The following COL15A1 variants were observed in gnomAD, a reference collection of about 807,000 sequenced individuals.
COL15A1 encodes the protein collagen type XV alpha 1 chain.
In COL15A1, 111 loss-of-function variants were observed where a neutral mutation model predicts 165.9. That is an observed-to-expected ratio of 0.67 (90% confidence interval 0.57 to 0.78). The LOEUF (loss-of-function observed/expected upper bound fraction) is 0.78, where lower values mean the gene tolerates loss of function less well. Ranked by LOEUF, COL15A1 falls within the 30% of genes least tolerant of loss-of-function variation. COL15A1 has a pLI of 0.00. For missense variants in COL15A1, 1,745 were observed against 1,789.7 expected, an observed-to-expected ratio of 0.98 and a Z score of 0.45; for synonymous variants, 659 against 674.8, an observed-to-expected ratio of 0.98 and a Z score of 0.36.
At chr9:99,063,988 A>G (rs555438186) in intron 39 of COL15A1, among the ~76,000 whole-genome samples, 1 of 152,266 alleles carries the variant, frequency 6.6e-6, no homozygotes, top group South Asian at 2.1e-4. Context: ...TTAAATCAGC[A>G]TAGAAACCTC....
chr9:98,992,855 G>A (rs1182399589), intron 5 of COL15A1, among the ~76,000 whole-genome samples: 2 of 152,182 alleles, frequency 1.3e-5, no homozygotes, highest in Non-Finnish European at 2.9e-5. Flanking sequence ...GGCACTGCAG[G>A]CACTGGGGCA....
chr9:99,027,582 C>G (rs1231275728), intron 16 of COL15A1, among the ~76,000 whole-genome samples: 2 of 149,108 alleles, frequency 1.3e-5, no homozygotes, highest in Non-Finnish European at 1.5e-5. Context: ...TACTCTGTCT[C>G]GAACTTAAAG....
At chr9:98,962,926 GCAGGTGCTCAATAAAT>G (rs1279907074) in intron 2 of COL15A1, among the ~76,000 whole-genome samples, 1 of 152,244 alleles carries the variant, frequency 6.6e-6, no homozygotes, top group Admixed American at 6.5e-5. Context: ...CTGCTGTACA[GCAGGTGCTCAATAAAT>G]GCTTCTGGAA....
chr9:99,034,058 G>T (rs548958335), intron 16 of COL15A1, among the ~76,000 whole-genome samples: 1 of 152,214 alleles, frequency 6.6e-6, no homozygotes, highest in East Asian at 1.9e-4. Context: ...CTGTCTTCTG[G>T]GGACTACTCC....
Position 99,022,482 on chromosome 9 carries a change from T to C in COL15A1, c.1761+332T>C, listed in dbSNP as rs543953889. Among the ~76,000 whole-genome samples the C allele has an allele frequency of 1.4e-3, 208 of 152,260 alleles. 1 individual carries two copies. The highest frequency in any genetic ancestry group is 4.6e-3 in the African/African-American group (192 of 41,556). On this transcript the variant is annotated intron_variant, in intron 13 of 41. Transcript: ENST00000375001. ...CTATGTGGTCACCAAGAGAGAAACA[T>C]CCTTGAGTGGTCCTCTGCCTTCCCC...
chr9:98,980,779 A>C (rs1838226366), intron 2 of COL15A1, among the ~76,000 whole-genome samples: 1 of 152,228 alleles, frequency 6.6e-6, no homozygotes, highest in African/African-American at 2.4e-5. Flanking sequence ...AATACAATGA[A>C]TATTTCTTTT....
chr9:99,015,957 A>C lies in COL15A1; in HGVS notation c.1504-19A>C, dbSNP rs1838927364. The C allele has an allele frequency of 1.2e-6, 2 of 1,611,164 alleles. No homozygotes were observed. Among genetic ancestry groups the C allele is most frequent in the Admixed American group, 3.4e-5 (2 of 59,520 alleles). On this transcript the variant is annotated intron_variant, in intron 10 of 41. Transcript: ENST00000375001. ...ATGAGCGAGGTGAGGTGGTGCCTTAATGCTGGTTTTGTTTTCAGGGTCCTG... is the reference window on the plus strand; with the variant it reads ...ATGAGCGAGGTGAGGTGGTGCCTTACTGCTGGTTTTGTTTTCAGGGTCCTG...
chr9:99,041,830 C>A (rs1010668491), intron 23 of COL15A1, among the ~76,000 whole-genome samples: 2 of 152,158 alleles, frequency 1.3e-5, no homozygotes, highest in Non-Finnish European at 2.9e-5. Context: ...AAGTGTGAAG[C>A]CTCAAGGCCT....
chr9:99,008,879 G>A (rs552920297), intron 9 of COL15A1, among the ~76,000 whole-genome samples: 1 of 152,284 alleles, frequency 6.6e-6, no homozygotes, highest in South Asian at 2.1e-4. Context: ...CAAAGTGCTG[G>A]GATTACAGGC....
chr9:99,019,783 GA>G (rs553318064), intron 11 of COL15A1, among the ~76,000 whole-genome samples: 138 of 152,200 alleles, frequency 9.1e-4, no homozygotes, highest in Middle Eastern at 3.4e-3. Context: ...TGGAAAACAT[GA>G]CCCAGCACAT....
intron 3 of COL15A1, chr9:98,986,411 A>C: frequency 3.3e-6 from 1 of 298,800 alleles, no homozygotes; most frequent in Non-Finnish European, 6.2e-6. Flanking sequence ...AAATAAGATA[A>C]TCTGTGTGAA....
intron 12 of COL15A1, among the ~76,000 whole-genome samples, chr9:99,021,791 A>G (rs7043134): frequency 0.27 from 40,784 of 152,106 alleles, 5,654 homozygotes; most frequent in East Asian, 0.38. Flanking sequence ...GTGCTCTAGC[A>G]GGGCCCAGAT....
At chr9:98,959,575 G>A (rs973177735) in intron 2 of COL15A1, among the ~76,000 whole-genome samples, 2 of 151,920 alleles carry the variant, frequency 1.3e-5, no homozygotes, top group African/African-American at 4.8e-5. Context: ...TTCAGCCTGG[G>A]CAACAGAGTG....
chr9:98,986,944 C>G (rs1464109226), intron 3 of COL15A1, among the ~76,000 whole-genome samples: 2 of 152,126 alleles, frequency 1.3e-5, no homozygotes, highest in Admixed American at 1.3e-4. Context: ...AAGCATTGAG[C>G]TGCAGGGGAA....
At chr9:98,948,977 A>G (rs1837634163) in intron 2 of COL15A1, among the ~76,000 whole-genome samples, 1 of 152,220 alleles carries the variant, frequency 6.6e-6, no homozygotes, top group South Asian at 2.1e-4. Flanking sequence ...AAGGTCTCCT[A>G]AACCCCTTTG....
chr9:99,032,029 C>T (rs1052466970), intron 16 of COL15A1, among the ~76,000 whole-genome samples: 24 of 151,992 alleles, frequency 1.6e-4, no homozygotes, highest in African/African-American at 4.1e-4. Flanking sequence ...TTCCAACATC[C>T]GGTGTTGTCA....
At chr9:98,965,962 C>T (rs1837950163) in intron 2 of COL15A1, among the ~76,000 whole-genome samples, 1 of 151,944 alleles carries the variant, frequency 6.6e-6, no homozygotes, top group South Asian at 2.1e-4. Flanking sequence ...TTCCAGGGGA[C>T]CCAATTCCTT....
chr9:99,033,990 T>C (rs1188694893), intron 16 of COL15A1, among the ~76,000 whole-genome samples: 1 of 152,148 alleles, frequency 6.6e-6, no homozygotes, highest in East Asian at 1.9e-4. Context: ...GAAACTGTAG[T>C]GTGGTCCCCA....
intron 2 of COL15A1, among the ~76,000 whole-genome samples, chr9:98,956,150 A>G (rs552228006): frequency 9.2e-5 from 14 of 152,342 alleles, no homozygotes; most frequent in Non-Finnish European, 2.1e-4. Context: ...TACTAAAAAT[A>G]CAAAAATTAG....
Sources: allele counts gnomAD v4.1 joint callset (sites outside exome capture counted in the v4.1 genomes callset), GRCh38; gene constraint gnomAD v4.1.1; transcripts MANE v1.5; gene names NCBI Gene and HGNC (gene_info 2026-07-23, HGNC 2026-07-21).